Variants in TYW5 observed in about 807,000 individuals in gnomAD.
The protein encoded by TYW5 is tRNA-yW synthesizing protein 5, also known as tRNA wybutosine-synthesizing protein 5.
In TYW5, 36 loss-of-function variants were observed where a neutral mutation model predicts 44.4. The ratio of observed to expected loss-of-function variants is 0.81; its 90% CI spans 0.62 to 1.07. TYW5 has a LOEUF of 1.07. TYW5 is among the 50% of genes least tolerant of loss of function. TYW5 has a pLI of 0.00. For synonymous variants in TYW5, 121 were observed against 128.1 expected, an observed-to-expected ratio of 0.94 and a Z score of 0.37; for missense variants, 354 against 365.7, an observed-to-expected ratio of 0.97 and a Z score of 0.26.
chr2:199,942,988 C>T (rs1407656536), intron 3 of TYW5: 1 of 151,970 alleles, frequency 6.6e-6, no homozygotes. Context: ...TCCTGAGTAG[C>T]TGGGATTACA....
rs1167727531 is a variant in TYW5 at position 199,930,404 on chromosome 2, TCA to T, written c.*2661_*2662del. The T allele has an allele frequency of 3.3e-5, 5 of 152,222 alleles. No individual in the cohort carries two copies. Among genetic ancestry groups the T allele is most frequent in the African/African-American group, 1.2e-4 (5 of 41,458 alleles). 9.4% of individuals were successfully genotyped at this position (152,222 alleles called of 1,614,324 possible). A position where few individuals can be genotyped will look rare whatever the true frequency, so the allele number is the denominator to read the frequency against. ...TTATATGCATATGCAAATAAGATGT[TCA>T]CACACCACATACCTTGTTTTACACA... On this transcript the variant is annotated 3_prime_UTR_variant, in exon 8 of 8. Coordinates refer to ENST00000354611, the MANE Select transcript of TYW5 (RefSeq NM_001039693.3).
intron 3 of TYW5, chr2:199,942,046 CTT>C (rs1347564475): frequency 6.6e-6 from 1 of 152,500 alleles, no homozygotes; most frequent in East Asian, 1.9e-4. Context: ...TTTAACAAGA[CTT>C]TTGCACTCCT....
chr2:199,943,757 G>A lies in TYW5; in HGVS notation c.303+8C>T, dbSNP rs749572318. 4 of 1,602,730 alleles carry A rather than the reference G, an allele frequency of 2.5e-6. No individual in the cohort carries two copies. In the South Asian group the frequency reaches 3.4e-5, roughly 14 times the overall value. Reference sequence around the variant, plus strand: ...ATGCCTTCTTTTAAAAATGTTAAAAGCAATTACCTCTGAAACAAAGAATTC... The same window carrying A: ...ATGCCTTCTTTTAAAAATGTTAAAAACAATTACCTCTGAAACAAAGAATTC... On this transcript the variant is annotated splice_region_variant and intron_variant, in intron 3 of 7. Coordinates refer to ENST00000354611, the MANE Select transcript of TYW5 (RefSeq NM_001039693.3).
rs370941371 is a variant in TYW5 at position 199,931,264 on chromosome 2, G to A, written c.*1803C>T. 12 of 152,254 alleles carry A rather than the reference G, an allele frequency of 7.9e-5. No homozygotes were observed. In the East Asian group the frequency reaches 2.3e-3, roughly 29 times the overall value. The allele number at this position is 152,254 out of a possible 1,614,324, so 9.4% of individuals were successfully genotyped here. ...AAAGATGAGGAAAATAAGCTTCATAGATAAATGTTATTTTGTCTAAGGTCA... is the reference window on the plus strand; with the variant it reads ...AAAGATGAGGAAAATAAGCTTCATAAATAAATGTTATTTTGTCTAAGGTCA... On this transcript the variant is annotated 3_prime_UTR_variant, in exon 8 of 8. Coordinates refer to ENST00000354611, the MANE Select transcript of TYW5 (RefSeq NM_001039693.3).
rs1270540421 is a variant in TYW5 at position 199,930,687 on chromosome 2, T to C, written c.*2380A>G. 1 of 152,236 alleles carries C rather than the reference T, an allele frequency of 6.6e-6. No individual in the cohort carries two copies. The highest frequency in any genetic ancestry group is 1.5e-5 in the Non-Finnish European group (1 of 68,068). The allele number at this position is 152,236 out of a possible 1,614,324, so 9.4% of individuals were successfully genotyped here. On this transcript the variant is annotated 3_prime_UTR_variant, in exon 8 of 8. Coordinates refer to ENST00000354611, the MANE Select transcript of TYW5 (RefSeq NM_001039693.3). Reference sequence around the variant, plus strand: ...TTGGCAGAGGAAAAAAATTCCTTTTTGCATCAGGTCAAGCCCCCAAACTAG... The same window carrying C: ...TTGGCAGAGGAAAAAAATTCCTTTTCGCATCAGGTCAAGCCCCCAAACTAG...
intron 3 of TYW5, among the ~76,000 whole-genome samples, chr2:199,940,514 G>A (rs1041937876): frequency 1.3e-5 from 2 of 151,834 alleles, no homozygotes; most frequent in African/African-American, 2.4e-5. Flanking sequence ...ATGGTGGTAC[G>A]TGCCTGTAGT....
At chr2:199,935,786 A>C in intron 7 of TYW5, 145 bp downstream of exon 7, 1 of 621,750 alleles carries the variant, frequency 1.6e-6, no homozygotes, top group East Asian at 2.8e-5. Flanking sequence ...ACGCACACAC[A>C]GAGTTTTGTC....
intron 2 of TYW5, chr2:199,945,413 T>C (rs1215746504): frequency 6.6e-6 from 1 of 152,266 alleles, no homozygotes; most frequent in Non-Finnish European, 1.5e-5. Flanking sequence ...CTGGTAATTA[T>C]GTAGAGTGAG....
intron 7 of TYW5, among the ~76,000 whole-genome samples, chr2:199,935,481 G>A (rs944834627): frequency 1.3e-5 from 2 of 151,644 alleles, no homozygotes; most frequent in African/African-American, 2.4e-5. Flanking sequence ...CAGCTGGGAC[G>A]TACAGATGCA....
intron 7 of TYW5, among the ~76,000 whole-genome samples, chr2:199,934,467 A>C (rs2105689463): frequency 6.6e-6 from 1 of 152,092 alleles, no homozygotes; most frequent in African/African-American, 2.4e-5. Flanking sequence ...AGATTTGAAG[A>C]CTAATACGTT....
At chr2:199,944,290 C>T (rs1465335399) in intron 2 of TYW5, 1 of 154,140 alleles carries the variant, frequency 6.5e-6, no homozygotes, top group Non-Finnish European at 1.4e-5. Flanking sequence ...GATAACCACC[C>T]CCCATATTCC....
chr2:199,939,276 G>C (rs2077446309), intron 4 of TYW5, among the ~76,000 whole-genome samples: 1 of 152,020 alleles, frequency 6.6e-6, no homozygotes, highest in Non-Finnish European at 1.5e-5. Flanking sequence ...GCTAATTTTT[G>C]TATTTTTAGT....
chr2:199,933,479 T>A (rs1300111600), intron 7 of TYW5, among the ~76,000 whole-genome samples, 156 bp from the exon 8 acceptor site: 1 of 152,228 alleles, frequency 6.6e-6, no homozygotes, highest in Non-Finnish European at 1.5e-5. Flanking sequence ...TTTAACAGAA[T>A]CATTTTAACT....
Position 199,930,629 on chromosome 2 carries a change from T to A in TYW5, c.*2438A>T, listed in dbSNP as rs1404618876. On this transcript the variant is annotated 3_prime_UTR_variant, in exon 8 of 8. Coordinates refer to ENST00000354611, the MANE Select transcript of TYW5 (RefSeq NM_001039693.3). The stretch of plus-strand genomic sequence containing the variant: ...ACCATTACTTTTATTTTGAATCTTG[T>A]CTGTGTAGCAAGCAGTGCAGTGAGA... The A allele has an allele frequency of 1.3e-5, 2 of 152,184 alleles. No individual in the cohort carries two copies. Among genetic ancestry groups the A allele is most frequent in the African/African-American group, 4.8e-5 (2 of 41,434 alleles). The allele number at this position is 152,184 out of a possible 1,614,324, so 9.4% of individuals were successfully genotyped here.
chr2:199,936,971 T>C (rs1397726169), intron 5 of TYW5, among the ~76,000 whole-genome samples: 1 of 152,330 alleles, frequency 6.6e-6, no homozygotes, highest in East Asian at 1.9e-4. Context: ...TTTCAAATTA[T>C]TTCTATAGGA....
chr2:199,934,634 C>A (rs2077405256), intron 7 of TYW5, among the ~76,000 whole-genome samples: 1 of 151,880 alleles, frequency 6.6e-6, no homozygotes, highest in South Asian at 2.1e-4. Context: ...CAAAAGAAGT[C>A]ATCAAATATG....
At chr2:199,949,401 A>G (rs1471894678) in intron 1 of TYW5, among the ~76,000 whole-genome samples, 7 of 151,988 alleles carry the variant, frequency 4.6e-5, no homozygotes, top group Non-Finnish European at 7.4e-5. Flanking sequence ...CACTGACATA[A>G]TACTATTATC....
At chr2:199,955,225 G>A in intron 1 of TYW5, 168 bp downstream of exon 1, 1 of 629,416 alleles carries the variant, frequency 1.6e-6, no homozygotes, top group Non-Finnish European at 2.6e-6. Context: ...GCCAGTCGGC[G>A]TCCCCCGTGC....
chr2:199,941,434 A>C (rs1474084087), intron 3 of TYW5, among the ~76,000 whole-genome samples: 1 of 152,244 alleles, frequency 6.6e-6, no homozygotes, highest in Non-Finnish European at 1.5e-5. Context: ...CAAGTCAAGC[A>C]CTTGGGCAAT....
Sources: gnomAD v4.1 joint callset for allele counts (sites outside exome capture counted in the v4.1 genomes callset) on GRCh38, gnomAD v4.1.1 for gene constraint, MANE v1.5 for transcripts, NCBI Gene and HGNC (gene_info 2026-07-23, HGNC 2026-07-21) for gene names.